The following STAB2 variants were observed in gnomAD, a reference collection of about 807,000 sequenced individuals.
The protein encoded by STAB2 is stabilin 2, also known as stabilin-2.
In STAB2, 288 loss-of-function variants were observed where a neutral mutation model predicts 338.1. The ratio of observed to expected loss-of-function variants is 0.85; its 90% CI spans 0.77 to 0.94. The LOEUF (loss-of-function observed/expected upper bound fraction) is 0.94, where lower values mean the gene tolerates loss of function less well. STAB2 is among the 40% of genes least tolerant of loss of function. The pLI is 0.00. For synonymous variants in STAB2, 1,202 were observed against 1,193.3 expected, an observed-to-expected ratio of 1.01 and a Z score of -0.15; for missense variants, 3,141 against 3,210.1, an observed-to-expected ratio of 0.98 and a Z score of 0.52.
intron 50 of STAB2, among the ~76,000 whole-genome samples, 169 bp from the exon 51 acceptor site, chr12:103,732,837 G>A (rs1458600639): frequency 1.3e-5 from 2 of 152,150 alleles, no homozygotes; most frequent in African/African-American, 2.4e-5. Flanking sequence ...GGTCAGAATG[G>A]TTGGGGTGTG....
At chr12:103,725,150 A>C (rs1881086368) in intron 45 of STAB2, 56 bp downstream of exon 45, 2 of 1,588,610 alleles carry the variant, frequency 1.3e-6, no homozygotes, top group Admixed American at 1.7e-5. Context: ...AATGCCAAGA[A>C]TCCAGGTAGC....
chr12:103,735,456 T>G lies in STAB2; in HGVS notation c.5461-35T>G, dbSNP rs79944299. ...CGGGCCGTCCCTTCTTCGGCCCAAATTTGGGGCAGTCACGTGGTGCCATCA... is the reference window on the plus strand; with the variant it reads ...CGGGCCGTCCCTTCTTCGGCCCAAAGTTGGGGCAGTCACGTGGTGCCATCA... On this transcript the variant is annotated intron_variant, in intron 51 of 68. Transcript: ENST00000388887. 4.6e-3 allele frequency: 6,995 copies of G among 1,528,810 alleles called. 277 individuals carry two copies. The African/African-American group carries it at 0.082, about 18-fold the overall frequency. 94.7% of individuals were successfully genotyped at this position (1,528,810 alleles called of 1,614,324 possible).
intron 33 of STAB2, 96 bp downstream of exon 33, chr12:103,695,940 A>G (rs1878366555): frequency 8.7e-7 from 1 of 1,146,646 alleles, no homozygotes; most frequent in African/African-American, 1.5e-5. Context: ...TCACTCCTTC[A>G]TCCTTGTCCA....
At chr12:103,692,629 G>A (rs1367262434) in intron 30 of STAB2, among the ~76,000 whole-genome samples, 183 bp from the exon 31 acceptor site, 2 of 127,404 alleles carry the variant, frequency 1.6e-5, no homozygotes, top group Admixed American at 1.6e-4. Flanking sequence ...GCACGTGCAC[G>A]TGTGTGAGAG....
intron 22 of STAB2, among the ~76,000 whole-genome samples, chr12:103,673,685 G>T (rs190472973): frequency 6.6e-6 from 1 of 152,142 alleles, no homozygotes; most frequent in Non-Finnish European, 1.5e-5. Flanking sequence ...TCCCCTCCTG[G>T]GTGGGACAAG....
chr12:103,609,366 G>C (rs1957084381), intron 3 of STAB2, among the ~76,000 whole-genome samples: 1 of 152,154 alleles, frequency 6.6e-6, no homozygotes, highest in African/African-American at 2.4e-5. Context: ...ATTTCATTGA[G>C]CAGTGGTTTG....
chr12:103,608,492 T>C (rs551911751), intron 3 of STAB2, among the ~76,000 whole-genome samples: 98 of 152,344 alleles, frequency 6.4e-4, no homozygotes, highest in Non-Finnish European at 1.1e-3. Context: ...TGTCTTCTTT[T>C]GAGGAGTGTC....
intron 21 of STAB2, 113 bp downstream of exon 21, chr12:103,669,740 A>C: frequency 2.2e-6 from 2 of 902,598 alleles, no homozygotes; most frequent in Non-Finnish European, 3.4e-6. Context: ...AAAAGAAATG[A>C]CCCCTTACTA....
intron 47 of STAB2, among the ~76,000 whole-genome samples, 158 bp downstream of exon 47, chr12:103,727,508 C>T (rs745653041): frequency 6.6e-6 from 1 of 152,196 alleles, no homozygotes; most frequent in Non-Finnish European, 1.5e-5. Context: ...GGCACAGGGA[C>T]CCCTGTCAGG....
intron 12 of STAB2, among the ~76,000 whole-genome samples, chr12:103,653,710 AGATGGATG>A (rs61343465): frequency 3.3e-5 from 4 of 122,986 alleles, no homozygotes; most frequent in East Asian, 5.0e-4. Flanking sequence ...ATGGATGGAT[AGATGGATG>A]GATGGATGGA....
chr12:103,763,260 C>A, intron 67 of STAB2: 1 of 524,668 alleles, frequency 1.9e-6, no homozygotes, highest in Non-Finnish European at 3.4e-6. Flanking sequence ...TATGGAAATG[C>A]CCTATGTGCC....
chr12:103,636,280 G>A (rs1957547230), intron 6 of STAB2, among the ~76,000 whole-genome samples: 1 of 144,886 alleles, frequency 6.9e-6, no homozygotes, highest in Non-Finnish European at 1.5e-5. Context: ...TCCCACCTAT[G>A]AGTGAGAACA....
chr12:103,593,368 T>C (rs1033507793), intron 2 of STAB2, among the ~76,000 whole-genome samples: 1 of 152,210 alleles, frequency 6.6e-6, no homozygotes, highest in African/African-American at 2.4e-5. Context: ...ACCATCGTAA[T>C]AGTTGTGAGG....
At chr12:103,623,605 A>T (rs1030650499) in intron 5 of STAB2, among the ~76,000 whole-genome samples, 3 of 152,134 alleles carry the variant, frequency 2.0e-5, no homozygotes, top group African/African-American at 4.8e-5. Context: ...AAGGCAAGGA[A>T]ACATGTTCTC....
At chr12:103,732,895 T>A in intron 50 of STAB2, 111 bp from the exon 51 acceptor site, 1 of 1,287,190 alleles carries the variant, frequency 7.8e-7, no homozygotes, top group Non-Finnish European at 1.1e-6. Context: ...CCATCCAGAG[T>A]CCCAGTAAGC....
chr12:103,708,373 G>A lies in STAB2; in HGVS notation c.4193-68G>A. Reference sequence around the variant, plus strand: ...AATTAAGTGCAATAAAGCAAACCTAGTAAATGACAAATGAGTTATTGAACA... The same window carrying A: ...AATTAAGTGCAATAAAGCAAACCTAATAAATGACAAATGAGTTATTGAACA... On this transcript the variant is annotated intron_variant, in intron 38 of 68. Transcript: ENST00000388887. The A allele has an allele frequency of 2.0e-6, 3 of 1,510,668 alleles. No homozygotes were observed. The South Asian group carries it at 3.4e-5, about 17-fold the overall frequency. 93.6% of individuals were successfully genotyped at this position (1,510,668 alleles called of 1,614,324 possible). A position where few individuals can be genotyped will look rare whatever the true frequency, so the allele number is the denominator to read the frequency against.
rs116062190 is a variant in STAB2, at chr12:103,731,269, C to A, written c.5224-307C>A. On this transcript the variant is annotated intron_variant, in intron 49 of 68. Coordinates refer to ENST00000388887, the MANE Select transcript of STAB2 (RefSeq NM_017564.10). Reference sequence around the variant, plus strand: ...CCAGAGGGGTTGATCTCCCTTCTAGCAGCTGCTGCCACCTCATATTATTTC... The same window carrying A: ...CCAGAGGGGTTGATCTCCCTTCTAGAAGCTGCTGCCACCTCATATTATTTC... Among the ~76,000 whole-genome samples, 1,181 of 152,242 alleles carry A rather than the reference C, an allele frequency of 7.8e-3. 22 individuals are homozygous for A. Among genetic ancestry groups the A allele is most frequent in the African/African-American group, 0.027 (1,121 of 41,536 alleles).
At chr12:103,600,925 A>C (rs183432083) in intron 3 of STAB2, among the ~76,000 whole-genome samples, 64 of 98,098 alleles carry the variant, frequency 6.5e-4, no homozygotes, top group Non-Finnish European at 4.3e-4. Flanking sequence ...TCTTGTGAAA[A>C]TATGAAGAGA....
At position 103,759,136 on chromosome 12, in the gene STAB2, T is replaced by C. The variant is rs1331496921; in HGVS notation, c.7111T>C (p.Leu2371=). 6.2e-7 allele frequency: 1 copy of C among 1,614,188 alleles called. No individual in the cohort carries two copies. The highest frequency in any genetic ancestry group is 1.3e-5 in the African/African-American group (1 of 75,062). ...QNSGLGENET[L]SGRDIEHHLA... The stretch of plus-strand genomic sequence containing the variant: ...TGTGTTTCTCCTTTTTTCTCAGACC[T>C]TGTCTGGGCGGGACATCGAGCACCA... The change falls in exon 65 of 69, where the codon TTG becomes CTG. Residue 2371 remains leucine, a synonymous_variant. Coordinates refer to ENST00000388887, the MANE Select transcript of STAB2 (RefSeq NM_017564.10).
Sources: allele counts gnomAD v4.1 joint callset (sites outside exome capture counted in the v4.1 genomes callset), GRCh38; gene constraint gnomAD v4.1.1; transcripts MANE v1.5; gene names NCBI Gene and HGNC (gene_info 2026-07-23, HGNC 2026-07-21).